Variants in ABI2 observed in about 807,000 individuals in gnomAD.
ABI2 encodes abelson interactor 2.
ABI2 carries 25 observed loss-of-function variants against 59.2 expected under a neutral mutation model. The observed-to-expected ratio is 0.42, with a 90% confidence interval of 0.31 to 0.59. ABI2 has a LOEUF of 0.59. ABI2 is among the 20% of genes least tolerant of loss of function. The pLI is 0.14. For missense variants in ABI2, 545 were observed against 681.8 expected (o/e 0.80, Z 2.23); for synonymous variants, 213 against 235.5 (o/e 0.90, Z 0.87).
chr2:203,367,275 C>A, intron 2 of ABI2: 2 of 426,318 alleles, frequency 4.7e-6, no homozygotes, highest in Non-Finnish European at 7.2e-6. Flanking sequence ...ACTCAGTTGT[C>A]ATGGTAACAT....
intron 2 of ABI2, among the ~76,000 whole-genome samples, chr2:203,370,727 T>A (rs531419498): frequency 1.4e-4 from 21 of 152,284 alleles, no homozygotes; most frequent in African/African-American, 4.8e-4. Context: ...AAATACTAGA[T>A]TCCGAGAGTT....
chr2:203,355,174 A>G (rs971339532), intron 1 of ABI2: 3 of 414,798 alleles, frequency 7.2e-6, no homozygotes, highest in African/African-American at 2.0e-5. Flanking sequence ...TTGACAGTGC[A>G]TATCCTCTGG....
rs1247227798 is a variant in ABI2 at position 203,431,086 on chromosome 2, T to C, written c.*3734T>C. 6.6e-6 allele frequency: 1 copy of C among 152,218 alleles called. No individual in the cohort carries two copies. Among genetic ancestry groups the C allele is most frequent in the Non-Finnish European group, 1.5e-5 (1 of 68,032 alleles). The allele number at this position is 152,218 out of a possible 1,614,324, so 9.4% of individuals were successfully genotyped here. ...GTGACTGACAAGTCTTTGAAAAGAA[T>C]GGGATCTGCTCACTTCTGGTCTTTT... On this transcript the variant is annotated 3_prime_UTR_variant, in exon 12 of 12. Coordinates refer to ENST00000261018, the MANE Select transcript of ABI2 (RefSeq NM_001375670.1).
At chr2:203,368,805 A>G (rs2094773275) in intron 2 of ABI2, among the ~76,000 whole-genome samples, 1 of 151,550 alleles carries the variant, frequency 6.6e-6, no homozygotes, top group Admixed American at 6.6e-5. Flanking sequence ...ATTTTAAATG[A>G]CGAAATAGAT....
chr2:203,337,884 A>G (rs1380132889), intron 1 of ABI2, among the ~76,000 whole-genome samples: 3 of 152,176 alleles, frequency 2.0e-5, no homozygotes, highest in East Asian at 1.9e-4. Flanking sequence ...TACAAAAATT[A>G]TAGGGCATGC....
intron 7 of ABI2, 96 bp from the exon 8 acceptor site, chr2:203,396,689 A>C (rs2097002951): frequency 7.9e-7 from 1 of 1,267,850 alleles, no homozygotes; most frequent in Admixed American, 3.6e-5. Flanking sequence ...AGTGTTAAGC[A>C]CTGAATATCT....
chr2:203,426,019 CAAA>C (rs34530204), intron 11 of ABI2, among the ~76,000 whole-genome samples: 5 of 85,466 alleles, frequency 5.9e-5, no homozygotes, highest in Admixed American at 1.4e-4. Flanking sequence ...GAGACTGTCT[CAAA>C]AAAAAAAAAA....
At chr2:203,411,669 A>G (rs540962685) in intron 10 of ABI2, among the ~76,000 whole-genome samples, 9 of 152,168 alleles carry the variant, frequency 5.9e-5, no homozygotes, top group Non-Finnish European at 1.3e-4. Context: ...GGTTGCTCAG[A>G]TAAGTGGTAG....
At chr2:203,416,296 T>TA (rs2097890077) in intron 10 of ABI2, among the ~76,000 whole-genome samples, 1 of 152,152 alleles carries the variant, frequency 6.6e-6, no homozygotes, top group South Asian at 2.1e-4. Context: ...ATTGTTTATT[T>TA]TTTTTTTGCT....
At chr2:203,392,847 G>A (rs1163443942) in intron 5 of ABI2, among the ~76,000 whole-genome samples, 1 of 152,074 alleles carries the variant, frequency 6.6e-6, no homozygotes, top group Non-Finnish European at 1.5e-5. Context: ...TTGTATATTA[G>A]CAATGGTTCT....
rs555741995 is a variant in ABI2, at chr2:203,359,548, C to G, written c.118-7329C>G. ...ATGTATGTGTCTTAGTTCATTGGTC[C>G]TTCTAAAACAAAATATCTTAGGCTG... On this transcript the variant is annotated intron_variant, in intron 1 of 11. Transcript: ENST00000261018. 1.2e-4 allele frequency among the ~76,000 whole-genome samples: 18 copies of G among 152,240 alleles called. No homozygotes were observed. In the East Asian group the frequency reaches 3.5e-3, roughly 29 times the overall value.
chr2:203,348,477 C>A (rs867576063), intron 1 of ABI2, among the ~76,000 whole-genome samples: 7 of 152,010 alleles, frequency 4.6e-5, no homozygotes, highest in African/African-American at 1.5e-4. Context: ...TGAAAGAGTT[C>A]TTTTTCATAT....
At position 203,346,445 on chromosome 2, in the gene ABI2, C is replaced by T. The variant is rs552611434; in HGVS notation, c.117+17814C>T. 1.1e-4 allele frequency among the ~76,000 whole-genome samples: 17 copies of T among 152,260 alleles called. No homozygotes were observed. The East Asian group carries it at 1.7e-3, about 16-fold the overall frequency. On this transcript the variant is annotated intron_variant, in intron 1 of 11. Transcript: ENST00000261018. ...CAGTGTGTATGATACCATATTACTG[C>T]CTGAATGAACACATCAGCTGTAAGA...
At chr2:203,373,762 A>G (rs1428042104) in intron 2 of ABI2, among the ~76,000 whole-genome samples, 2 of 152,222 alleles carry the variant, frequency 1.3e-5, no homozygotes, top group Admixed American at 1.3e-4. Context: ...GCTGGAAAAT[A>G]ATTATCATAA....
At chr2:203,419,477 T>C (rs2098095434) in intron 11 of ABI2, among the ~76,000 whole-genome samples, 1 of 151,660 alleles carries the variant, frequency 6.6e-6, no homozygotes, top group Non-Finnish European at 1.5e-5. Flanking sequence ...CACGCCATTC[T>C]CCTGCCTCAA....
chr2:203,418,339 G>C (rs2098005228), intron 11 of ABI2, among the ~76,000 whole-genome samples: 1 of 152,220 alleles, frequency 6.6e-6, no homozygotes, highest in Non-Finnish European at 1.5e-5. Context: ...GCGTGGCTCA[G>C]CTGGGCCCTC....
chr2:203,375,962 T>C, intron 2 of ABI2: 1 of 944,492 alleles, frequency 1.1e-6, no homozygotes, highest in South Asian at 1.6e-5. Context: ...CGTGTGGTAG[T>C]ATGATGGCAA....
At chr2:203,421,014 T>C (rs1400977859) in intron 11 of ABI2, among the ~76,000 whole-genome samples, 2 of 151,774 alleles carry the variant, frequency 1.3e-5, no homozygotes, top group Non-Finnish European at 2.9e-5. Context: ...AGGGAATAAA[T>C]TGTAATTAGG....
intron 1 of ABI2, among the ~76,000 whole-genome samples, chr2:203,356,695 G>C (rs1322201305): frequency 6.6e-6 from 1 of 152,022 alleles, no homozygotes; most frequent in Non-Finnish European, 1.5e-5. Flanking sequence ...TTGTGGAGAT[G>C]ATGTCTCACC....
Sources: gnomAD v4.1 joint callset for allele counts (sites outside exome capture counted in the v4.1 genomes callset) on GRCh38, gnomAD v4.1.1 for gene constraint, MANE v1.5 for transcripts, NCBI Gene and HGNC (gene_info 2026-07-23, HGNC 2026-07-21) for gene names.